The following FRAS1 variants were observed in gnomAD, a reference collection of about 807,000 sequenced individuals.
FRAS1 encodes the protein extracellular matrix organizing protein FRAS1.
Under a neutral mutation model 435.2 loss-of-function variants are expected in FRAS1, and 290 were observed. That is an observed-to-expected ratio of 0.67 (90% CI 0.61 to 0.73). The LOEUF is 0.73. Among genes scored for constraint, FRAS1 ranks in the 30% least tolerant of loss-of-function variants. The probability of loss-of-function intolerance (pLI) is 0.00; values close to 1 mark genes in which losing one functional copy is unlikely to be tolerated. For missense variants in FRAS1, 4,860 were observed against 5,001.5 expected (o/e 0.97, Z 0.85); for synonymous variants, 1,800 against 1,851.0 (o/e 0.97, Z 0.71).
At chr4:78,398,284 C>T (rs1732752320) in intron 29 of FRAS1, among the ~76,000 whole-genome samples, 1 of 152,180 alleles carries the variant, frequency 6.6e-6, no homozygotes, top group Admixed American at 6.5e-5. Context: ...TTGACCTCTA[C>T]CTTGGACCAT....
At chr4:78,185,731 T>C (rs1484684657) in intron 2 of FRAS1, among the ~76,000 whole-genome samples, 3 of 152,232 alleles carry the variant, frequency 2.0e-5, no homozygotes, top group Non-Finnish European at 2.9e-5. Context: ...ATCTTTGAAC[T>C]GTAGACAGCT....
At chr4:78,181,568 C>A (rs533377819) in intron 2 of FRAS1, 1 of 1,611,542 alleles carries the variant, frequency 6.2e-7, no homozygotes, top group South Asian at 1.1e-5. Flanking sequence ...TCGAATAGGT[C>A]GGTCAATAAT....
chr4:78,248,394 CCT>C (rs1725358645), intron 4 of FRAS1, among the ~76,000 whole-genome samples: 1 of 152,162 alleles, frequency 6.6e-6, no homozygotes, highest in Non-Finnish European at 1.5e-5. Flanking sequence ...CCATGAATCC[CCT>C]TTCTTTTCCT....
chr4:78,212,101 T>C (rs11098091), intron 2 of FRAS1, among the ~76,000 whole-genome samples: 43,908 of 152,204 alleles, frequency 0.29, 6,910 homozygotes, highest in Non-Finnish European at 0.34. Flanking sequence ...ATCTTTCATC[T>C]GTTGAAGAAA....
Position 78,315,589 on chromosome 4 carries a change from C to T in FRAS1, c.1679-5C>T, listed in dbSNP as rs1560649274. 1.2e-6 allele frequency: 2 copies of T among 1,604,904 alleles called. No homozygotes were observed. The highest frequency in any genetic ancestry group is 2.7e-5 in the African/African-American group (2 of 74,538). On this transcript the variant is annotated splice_polypyrimidine_tract_variant and splice_region_variant and intron_variant, in intron 15 of 73. Coordinates refer to ENST00000512123, the MANE Select transcript of FRAS1 (RefSeq NM_025074.7). ...TTCTCTGATGGGTTTTTTGCCTCCCCTTAGCTTGTGACCAATCCTGTGACA... is the reference window on the plus strand; with the variant it reads ...TTCTCTGATGGGTTTTTTGCCTCCCTTTAGCTTGTGACCAATCCTGTGACA...
In FRAS1 at chr4:78,318,878, G is replaced by C; in HGVS notation, c.2029G>C (p.Glu677Gln). ...TCACTGTACTGGGTGTAAGAAGCCAGAGGAAGGACTGCAAGTGGAGCAGCT... is the reference window on the plus strand; with the variant it reads ...TCACTGTACTGGGTGTAAGAAGCCACAGGAAGGACTGCAAGTGGAGCAGCT... ...PSHCTGCKKP[E>Q]EGLQVEQLSD... The change falls in exon 18 of 74, where the codon GAG becomes CAG. Residue 677 changes from glutamate to glutamine, a missense_variant. By Grantham distance (29) the Glu-to-Gln change is conservative. Transcript: ENST00000512123. 1 of 1,613,998 alleles carries C rather than the reference G, an allele frequency of 6.2e-7. No homozygotes were observed. The highest frequency in any genetic ancestry group is 1.1e-5 in the South Asian group (1 of 91,084).
At chr4:78,248,116 A>G (rs981297494) in intron 4 of FRAS1, among the ~76,000 whole-genome samples, 4 of 152,108 alleles carry the variant, frequency 2.6e-5, no homozygotes, top group Admixed American at 6.6e-5. Flanking sequence ...TAGTCTCAAG[A>G]TCTTTCCTGG....
chr4:78,504,937 C>T (rs887570004), intron 61 of FRAS1, among the ~76,000 whole-genome samples: 1 of 152,180 alleles, frequency 6.6e-6, no homozygotes, highest in Non-Finnish European at 1.5e-5. Flanking sequence ...CAAAATCTCT[C>T]AGCATTTGCT....
intron 22 of FRAS1, among the ~76,000 whole-genome samples, chr4:78,364,757 A>C (rs544905225): frequency 6.6e-6 from 1 of 152,244 alleles, no homozygotes; most frequent in East Asian, 1.9e-4. Flanking sequence ...CTCAGTCACC[A>C]AAGTGTCATT....
chr4:78,276,361 G>A (rs564769866), intron 9 of FRAS1, among the ~76,000 whole-genome samples: 1 of 152,362 alleles, frequency 6.6e-6, no homozygotes, highest in African/African-American at 2.4e-5. Context: ...CTGGCGAGGA[G>A]CTGTGTTCCT....
chr4:78,429,372 A>C, intron 36 of FRAS1, 146 bp downstream of exon 36: 1 of 1,035,158 alleles, frequency 9.7e-7, no homozygotes, highest in Non-Finnish European at 1.4e-6. Flanking sequence ...CCTCCTGCCC[A>C]TTTCTATGCA....
At chr4:78,070,002 C>A (rs1050004042) in intron 2 of FRAS1, among the ~76,000 whole-genome samples, 36 of 152,144 alleles carry the variant, frequency 2.4e-4, no homozygotes, top group African/African-American at 8.4e-4. Flanking sequence ...CCTTCGGTCC[C>A]ATATGCCCAC....
At chr4:78,111,809 G>T (rs2109938743) in intron 2 of FRAS1, among the ~76,000 whole-genome samples, 1 of 146,960 alleles carries the variant, frequency 6.8e-6, no homozygotes, top group Non-Finnish European at 1.5e-5. Context: ...CAATGTAAAA[G>T]TCCTGAATAG....
At chr4:78,495,483 C>T (rs371082484) in intron 59 of FRAS1, among the ~76,000 whole-genome samples, 2 of 152,192 alleles carry the variant, frequency 1.3e-5, no homozygotes, top group South Asian at 4.1e-4. Context: ...GACATTTACA[C>T]ATTTATGACT....
intron 3 of FRAS1, among the ~76,000 whole-genome samples, chr4:78,240,401 G>A (rs1197929546): frequency 6.6e-6 from 1 of 152,104 alleles, no homozygotes; most frequent in African/African-American, 2.4e-5. Context: ...GGATAAATCA[G>A]CAGAACTGGC....
At chr4:78,194,170 G>A (rs1359779640) in intron 2 of FRAS1, among the ~76,000 whole-genome samples, 2 of 152,164 alleles carry the variant, frequency 1.3e-5, no homozygotes, top group Non-Finnish European at 2.9e-5. Context: ...TCCCTTTGTG[G>A]GTAACCCGAC....
chr4:78,301,868 T>A (rs950895888), intron 14 of FRAS1, among the ~76,000 whole-genome samples: 6 of 150,770 alleles, frequency 4.0e-5, no homozygotes, highest in Non-Finnish European at 8.9e-5. Context: ...TTTTTTTTTT[T>A]TATACTTTAA....
rs549274001 is a variant in FRAS1, at chr4:78,342,242, G to A, written c.2422+4425G>A. 4.7e-4 allele frequency among the ~76,000 whole-genome samples: 72 copies of A among 152,230 alleles called. 3 individuals are homozygous for A. In the South Asian group the frequency reaches 0.015, roughly 31 times the overall value. On this transcript the variant is annotated intron_variant, in intron 20 of 73. Coordinates refer to ENST00000512123, the MANE Select transcript of FRAS1 (RefSeq NM_025074.7). ...GGATGCATTCTCTATTTGACTTGGA[G>A]ACCTCTTAATTGTACTTAGCTGTTT...
chr4:78,476,369 G>A (rs1490445975), intron 54 of FRAS1, among the ~76,000 whole-genome samples: 1 of 152,074 alleles, frequency 6.6e-6, no homozygotes, highest in Non-Finnish European at 1.5e-5. Context: ...GAGTGAAAGT[G>A]GAAGAGAAAG....
Sources: gnomAD v4.1 joint callset for allele counts (sites outside exome capture counted in the v4.1 genomes callset) on GRCh38, gnomAD v4.1.1 for gene constraint, MANE v1.5 for transcripts, NCBI Gene and HGNC (gene_info 2026-07-23, HGNC 2026-07-21) for gene names.